Variants in DCX observed in about 807,000 individuals in gnomAD.
DCX encodes neuronal migration protein doublecortin.
DCX carries 4 observed loss-of-function variants against 20.9 expected under a neutral mutation model. The observed-to-expected ratio is 0.19, with a 90% CI of 0.09 to 0.44. DCX has a LOEUF of 0.44. Ranked by LOEUF, DCX falls within the 20% of genes least tolerant of loss-of-function variation. The probability of loss-of-function intolerance (pLI) is 0.99; values close to 1 mark genes in which losing one functional copy is unlikely to be tolerated. For synonymous variants in DCX, 103 were observed against 111.4 expected (o/e 0.92, Z 0.47); for missense variants, 133 against 296.9 (o/e 0.45, Z 4.06).
chrX:111,353,044 G>A (rs746462528), intron 3 of DCX, among the ~76,000 whole-genome samples: 36 of 112,237 alleles, frequency 3.2e-4, no homozygotes, highest in Non-Finnish European at 6.4e-4. Flanking sequence ...TTGAGATAAT[G>A]TCTGGCTTGG....
chrX:111,370,985 A>C (rs1227329014), intron 3 of DCX, among the ~76,000 whole-genome samples: 2 of 111,870 alleles, frequency 1.8e-5, no homozygotes, highest in Non-Finnish European at 3.8e-5. Flanking sequence ...TTACATAGCT[A>C]TCCCTCTAAC....
intron 1 of DCX, chrX:111,411,831 G>A (rs901404391): frequency 1.8e-5 from 2 of 111,636 alleles, no homozygotes; most frequent in African/African-American, 6.5e-5. Flanking sequence ...AACCTGCAGT[G>A]GTAAGAGACC....
chrX:111,406,787 T>C (rs1406595452), intron 2 of DCX, among the ~76,000 whole-genome samples: 2 of 111,973 alleles, frequency 1.8e-5, no homozygotes, highest in Non-Finnish European at 3.8e-5. Flanking sequence ...GCTGAAGAGA[T>C]TGGAGAAAAT....
At chrX:111,393,132 T>C (rs1927074527) in intron 3 of DCX, among the ~76,000 whole-genome samples, 1 of 111,826 alleles carries the variant, frequency 8.9e-6, no homozygotes, top group African/African-American at 3.2e-5. Flanking sequence ...TGTGTTACAT[T>C]AGTTCACACC....
intron 3 of DCX, among the ~76,000 whole-genome samples, chrX:111,363,337 G>A (rs924862770): frequency 3.6e-5 from 4 of 110,535 alleles, no homozygotes; most frequent in African/African-American, 1.3e-4. Context: ...GGGGAAGGGA[G>A]GCAGACAAAC....
At chrX:111,342,403 C>T (rs1465023761) in intron 3 of DCX, among the ~76,000 whole-genome samples, 1 of 74,133 alleles carries the variant, frequency 1.3e-5, no homozygotes, top group Admixed American at 1.8e-4. Context: ...CAGGAGCATC[C>T]ATATTCAAAA....
At chrX:111,347,180 A>G (rs1017491142) in intron 3 of DCX, among the ~76,000 whole-genome samples, 1 of 112,162 alleles carries the variant, frequency 8.9e-6, no homozygotes, top group South Asian at 3.7e-4. Flanking sequence ...TTAGTTTCAT[A>G]ATTAAGGATA....
chrX:111,303,040 C>T (rs1265187711), intron 6 of DCX, among the ~76,000 whole-genome samples: 3 of 109,461 alleles, frequency 2.7e-5, no homozygotes, highest in Non-Finnish European at 5.7e-5. Context: ...GAATTCTTTG[C>T]TTATAATCCA....
intron 6 of DCX, among the ~76,000 whole-genome samples, chrX:111,303,953 T>TA (rs2095039587): frequency 1.8e-5 from 2 of 111,911 alleles, no homozygotes; most frequent in South Asian, 7.4e-4. Flanking sequence ...TTTAAATATT[T>TA]AAAAAAACAT....
At chrX:111,353,851 A>G (rs1023430873) in intron 3 of DCX, among the ~76,000 whole-genome samples, 4 of 111,761 alleles carry the variant, frequency 3.6e-5, no homozygotes, top group African/African-American at 1.3e-4. Flanking sequence ...TTCTGTTACA[A>G]TTTAATTCTC....
rs34693940 is a variant in DCX, at chrX:111,300,616, C to CT, written c.*1070dup. ...ATTTCTAAACTACATTATTCTTCTG[C>CT]TTTTTTTTTTTTTTTTGGTAAATTT... On this transcript the variant is annotated 3_prime_UTR_variant, in exon 7 of 7. Transcript: ENST00000636035. 0.062 allele frequency: 5,307 copies of CT among 85,581 alleles called. 132 individuals are homozygous for CT. Among genetic ancestry groups the CT allele is most frequent in the Admixed American group, 0.081 (621 of 7,644 alleles). 7.1% of individuals were successfully genotyped at this position (85,581 alleles called of 1,213,427 possible). A position where few individuals can be genotyped will look rare whatever the true frequency, so the allele number is the denominator to read the frequency against.
chrX:111,318,510 A>G (rs972501597), intron 5 of DCX, among the ~76,000 whole-genome samples: 1 of 110,842 alleles, frequency 9.0e-6, no homozygotes, highest in Non-Finnish European at 1.9e-5. Context: ...TAATCATTGT[A>G]GCACTATTCA....
chrX:111,351,201 T>C (rs1331942680), intron 3 of DCX, among the ~76,000 whole-genome samples: 1 of 111,983 alleles, frequency 8.9e-6, no homozygotes, highest in Non-Finnish European at 1.9e-5. Flanking sequence ...TTGCACTCAC[T>C]ATTTTCCAGA....
rs2095031303 is a variant in DCX at position 111,300,510 on chromosome X, C to A, written c.*1177G>T. ...GCAAGCATAACTGTTAAAAAGCTAT[C>A]AAAAAACTGATTCTATTGAATTGGC... On this transcript the variant is annotated 3_prime_UTR_variant, in exon 7 of 7. Transcript: ENST00000636035. 8.9e-6 allele frequency: 1 copy of A among 111,855 alleles called. No individual in the cohort carries two copies. Among genetic ancestry groups the A allele is most frequent in the Non-Finnish European group, 1.9e-5 (1 of 53,094 alleles). The allele number at this position is 111,855 out of a possible 1,213,427, so 9.2% of individuals were successfully genotyped here.
intron 3 of DCX, among the ~76,000 whole-genome samples, chrX:111,376,159 T>C (rs1202058080): frequency 8.9e-6 from 1 of 112,020 alleles, no homozygotes; most frequent in Admixed American, 9.5e-5. Context: ...AAAGTTAGAA[T>C]TGAAGGCAGC....
intron 3 of DCX, among the ~76,000 whole-genome samples, chrX:111,333,913 C>T (rs1055708910): frequency 8.9e-6 from 1 of 111,940 alleles, no homozygotes; most frequent in Non-Finnish European, 1.9e-5. Context: ...AAGTATGCTG[C>T]TTCCTGCAGT....
chrX:111,300,498 T>C lies in DCX; in HGVS notation c.*1189A>G, dbSNP rs1363957881. On this transcript the variant is annotated 3_prime_UTR_variant, in exon 7 of 7. Transcript: ENST00000636035. ...GAAATTATTAATGCAAGCATAACTG[T>C]TAAAAAGCTATCAAAAAACTGATTC... The C allele has an allele frequency of 1.8e-5, 2 of 112,678 alleles. No individual in the cohort carries two copies. The highest frequency in any genetic ancestry group is 3.2e-5 in the African/African-American group (1 of 30,961). 9.3% of individuals were successfully genotyped at this position (112,678 alleles called of 1,213,427 possible).
At chrX:111,403,091 A>G (rs901858763) in intron 2 of DCX, among the ~76,000 whole-genome samples, 3 of 111,104 alleles carry the variant, frequency 2.7e-5, no homozygotes, top group African/African-American at 9.8e-5. Flanking sequence ...ACTTAAAAGG[A>G]TGAAGGAAGG....
At chrX:111,329,188 T>G (rs1037590266) in intron 5 of DCX, among the ~76,000 whole-genome samples, 1 of 112,260 alleles carries the variant, frequency 8.9e-6, no homozygotes, top group African/African-American at 3.2e-5. Context: ...TAGGTCTTTG[T>G]AGTTTCAGCA....
Sources: gnomAD v4.1 joint callset for allele counts (sites outside exome capture counted in the v4.1 genomes callset) on GRCh38, gnomAD v4.1.1 for gene constraint, MANE v1.5 for transcripts, NCBI Gene and HGNC (gene_info 2026-07-23, HGNC 2026-07-21) for gene names.